The following ZNF407 variants were observed in gnomAD, a reference collection of about 807,000 sequenced individuals.
ZNF407 encodes the protein zinc finger protein 407.
A neutral mutation model predicts 131.2 loss-of-function variants in ZNF407; 17 were observed. The observed-to-expected ratio is 0.13, with a 90% confidence interval of 0.09 to 0.19. The LOEUF is 0.19. Among genes scored for constraint, ZNF407 ranks in the 10% least tolerant of loss-of-function variants. The pLI, the probability that ZNF407 is intolerant of heterozygous loss-of-function variation, is 1.00. For synonymous variants in ZNF407, 1,156 were observed against 1,062.0 expected, an observed-to-expected ratio of 1.09 and a Z score of -1.72; for missense variants, 2,681 against 2,830.6, an observed-to-expected ratio of 0.95 and a Z score of 1.20.
In ZNF407 at chr18:74,634,528, A is replaced by T; in HGVS notation, c.3509A>T (p.Gln1170Leu). ...CATTCCTTTTGTGAGACTTTCCAAC[A>T]GGCTCCTGTCAAGGATAAAGTTAGG... Reference protein sequence around the residue: ...EDHSFCETFQQAPVKDKVRKP... With the variant: ...EDHSFCETFQLAPVKDKVRKP... Residue 1170 changes from glutamine (Q) to leucine (L), a missense_variant, in exon 2 of 9, where the codon CAG (glutamine) becomes CTG (leucine). Gln to Leu is a moderately radical substitution (Grantham distance 113, BLOSUM62 -2). This residue lies in a region of ZNF407 where 1,789 missense variants were observed against 1,748.7 expected (regional missense o/e 1.02). Transcript: ENST00000299687. 3 of 1,613,856 alleles carry T rather than the reference A, an allele frequency of 1.9e-6. No homozygotes were observed. The highest frequency in any genetic ancestry group is 2.5e-6 in the Non-Finnish European group (3 of 1,179,888).
chr18:74,643,331 A>G (rs1984810167), intron 3 of ZNF407, among the ~76,000 whole-genome samples: 1 of 152,080 alleles, frequency 6.6e-6, no homozygotes, highest in Non-Finnish European at 1.5e-5. Context: ...ATTGCTATAA[A>G]TTTTACCTTT....
Position 74,631,055 on chromosome 18 carries a change from G to C in ZNF407, c.36G>C (p.Glu12Asp), listed in dbSNP as rs770002647. The C allele has an allele frequency of 8.1e-6, 13 of 1,611,330 alleles. No individual in the cohort carries two copies. In the African/African-American group the frequency reaches 1.5e-4, roughly 18 times the overall value. ...MDSENKPEND[E>D]DEKINKEAQD... is the part of the protein sequence containing the mutation. ...GTGAGAATAAACCCGAAAATGATGA[G>C]GATGAAAAGATAAACAAAGAAGCAC... Residue 12 changes from glutamate (E) to aspartate (D), a missense_variant, in exon 2 of 9, where the codon GAG (glutamate) becomes GAC (aspartate). Glu to Asp is a conservative substitution (Grantham distance 45). This residue lies in a region of ZNF407 where 1,789 missense variants were observed against 1,748.7 expected (regional missense o/e 1.02). Coordinates refer to ENST00000299687, the MANE Select transcript of ZNF407 (RefSeq NM_017757.3).
chr18:74,786,077 A>G (rs1969705958), intron 4 of ZNF407, among the ~76,000 whole-genome samples: 1 of 152,238 alleles, frequency 6.6e-6, no homozygotes, highest in African/African-American at 2.4e-5. Flanking sequence ...ATTTTTTCTT[A>G]TTAGAAGATA....
intron 8 of ZNF407, among the ~76,000 whole-genome samples, chr18:74,981,298 G>A (rs1972590413): frequency 1.3e-5 from 2 of 152,216 alleles, no homozygotes; most frequent in South Asian, 4.1e-4. Flanking sequence ...CAGTGCCCTG[G>A]GCAGCCGGAA....
intron 8 of ZNF407, among the ~76,000 whole-genome samples, chr18:74,948,244 C>T (rs1972175709): frequency 1.3e-5 from 2 of 152,308 alleles, no homozygotes; most frequent in East Asian, 1.9e-4. Context: ...TGCTCAGTAG[C>T]GGCTTTTTTC....
At chr18:74,757,826 G>A (rs533008335) in intron 3 of ZNF407, among the ~76,000 whole-genome samples, 13 of 152,126 alleles carry the variant, frequency 8.5e-5, no homozygotes, top group South Asian at 2.1e-4. Context: ...TTATTAGTAC[G>A]TTTGTGTTTG....
At chr18:74,948,436 T>C (rs1460861449) in intron 8 of ZNF407, among the ~76,000 whole-genome samples, 2 of 152,218 alleles carry the variant, frequency 1.3e-5, no homozygotes, top group Non-Finnish European at 2.9e-5. Context: ...CCCTCATTTC[T>C]TACACAAAGC....
intron 3 of ZNF407, among the ~76,000 whole-genome samples, chr18:74,693,470 G>C (rs1007180829): frequency 1.3e-5 from 2 of 152,058 alleles, no homozygotes; most frequent in African/African-American, 4.8e-5. Context: ...CTCAGCTTTT[G>C]TTTCTCTGAA....
chr18:74,918,472 GC>G (rs1359530471), intron 7 of ZNF407, among the ~76,000 whole-genome samples: 1 of 152,206 alleles, frequency 6.6e-6, no homozygotes, highest in Admixed American at 6.5e-5. Flanking sequence ...TACATTAGGT[GC>G]TTACTCTTTT....
At chr18:75,022,233 C>T (rs1265268866) in intron 8 of ZNF407, among the ~76,000 whole-genome samples, 1 of 152,060 alleles carries the variant, frequency 6.6e-6, no homozygotes, top group Non-Finnish European at 1.5e-5. Flanking sequence ...CTCATTGGTT[C>T]CTAGTTTTTG....
intron 7 of ZNF407, among the ~76,000 whole-genome samples, chr18:74,916,716 T>TGTGTGTGTGTGTGC (rs1971774778): frequency 7.0e-6 from 1 of 142,896 alleles, no homozygotes; most frequent in African/African-American, 2.8e-5. Context: ...TGTGTGTGTG[T>TGTGTGTGTGTGTGC]ATGTGTGTGT....
chr18:74,927,249 C>T (rs1046017879), intron 8 of ZNF407, among the ~76,000 whole-genome samples: 1 of 152,162 alleles, frequency 6.6e-6, no homozygotes, highest in African/African-American at 2.4e-5. Context: ...CAGTGTGGCT[C>T]TATAAAATTC....
At chr18:74,915,404 A>T (rs1443165677) in intron 7 of ZNF407, among the ~76,000 whole-genome samples, 2 of 105,784 alleles carry the variant, frequency 1.9e-5, no homozygotes, top group African/African-American at 8.0e-5. Flanking sequence ...TCGAATCAGG[A>T]GTGTGTGTGT....
At chr18:74,630,901 C>A in intron 1 of ZNF407, 66 bp from the exon 2 acceptor site, 3 of 1,226,270 alleles carry the variant, frequency 2.4e-6, no homozygotes, top group Middle Eastern at 2.0e-4. Context: ...ACTTTTTCAT[C>A]TAGTTTTAGA....
intron 8 of ZNF407, among the ~76,000 whole-genome samples, chr18:74,968,354 A>G (rs564078664): frequency 6.6e-6 from 1 of 152,178 alleles, no homozygotes; most frequent in Non-Finnish European, 1.5e-5. Context: ...TAAATCTCAA[A>G]TGTCCATGAG....
rs545020163 is a variant in ZNF407, at chr18:74,910,219, G to A, written c.5250-10295G>A. 3.2e-4 allele frequency among the ~76,000 whole-genome samples: 49 copies of A among 152,252 alleles called. No individual in the cohort carries two copies. The South Asian group carries it at 8.7e-3, about 27-fold the overall frequency. On this transcript the variant is annotated intron_variant, in intron 7 of 8. Transcript: ENST00000299687. ...AATGACTGTAGTGATAGACACTTAC[G>A]CATATGAAGAGTTTGAATAGTTTAT... is the stretch of plus-strand genomic sequence containing the variant.
At chr18:74,909,354 C>T (rs1014102565) in intron 7 of ZNF407, among the ~76,000 whole-genome samples, 2 of 151,930 alleles carry the variant, frequency 1.3e-5, no homozygotes, top group Admixed American at 6.6e-5. Flanking sequence ...AAGTACCTAC[C>T]GTATTACCTG....
At chr18:74,789,380 C>G (rs1282463346) in intron 4 of ZNF407, among the ~76,000 whole-genome samples, 4 of 151,950 alleles carry the variant, frequency 2.6e-5, no homozygotes, top group Non-Finnish European at 5.9e-5. Flanking sequence ...GGAGAGTGGT[C>G]TAAGGTAGAG....
intron 8 of ZNF407, among the ~76,000 whole-genome samples, chr18:74,950,611 A>C (rs536371327): frequency 2.0e-5 from 3 of 152,350 alleles, no homozygotes; most frequent in South Asian, 4.1e-4. Context: ...GATACCTAAA[A>C]ATCTTGTTTG....
Sources: allele counts gnomAD v4.1 joint callset (sites outside exome capture counted in the v4.1 genomes callset), GRCh38; gene constraint gnomAD v4.1.1; regional missense constraint gnomAD v4.1.1; transcripts MANE v1.5; gene names NCBI Gene and HGNC (gene_info 2026-07-23, HGNC 2026-07-21).